The following WIPF1 variants were observed in gnomAD, a reference collection of about 807,000 sequenced individuals.
The protein encoded by WIPF1 is WAS/WASL interacting protein family member 1, also known as WAS/WASL-interacting protein family member 1.
In WIPF1, 13 loss-of-function variants were observed where a neutral mutation model predicts 35.4. The observed-to-expected ratio is 0.37, with a 90% CI of 0.24 to 0.58. The LOEUF (loss-of-function observed/expected upper bound fraction) is 0.58. Ranked by LOEUF, WIPF1 falls within the 20% of genes least tolerant of loss-of-function variation. WIPF1 has a pLI of 0.74. For missense variants in WIPF1, 591 were observed against 667.0 expected (o/e 0.89, Z 1.25); for synonymous variants, 267 against 266.3 (o/e 1.00, Z -0.02).
chr2:174,671,677 G>A (rs1688021955), intron 1 of WIPF1, among the ~76,000 whole-genome samples: 1 of 152,170 alleles, frequency 6.6e-6, no homozygotes, highest in South Asian at 2.1e-4. Flanking sequence ...CTCTGGGAAT[G>A]TCTGTCTTTT....
At chr2:174,568,874 T>A (rs971364728) in intron 5 of WIPF1, 4 of 152,160 alleles carry the variant, frequency 2.6e-5, no homozygotes, top group African/African-American at 9.7e-5. Flanking sequence ...AAACCATTTT[T>A]TAAAAAAATG....
intron 1 of WIPF1, among the ~76,000 whole-genome samples, chr2:174,659,626 C>T (rs530826958): frequency 4.6e-5 from 7 of 152,088 alleles, no homozygotes; most frequent in African/African-American, 7.2e-5. Flanking sequence ...TCCGGATTAT[C>T]AACATTATTT....
intron 1 of WIPF1, among the ~76,000 whole-genome samples, chr2:174,649,698 G>A (rs1042174080): frequency 1.3e-5 from 2 of 152,092 alleles, no homozygotes; most frequent in Non-Finnish European, 2.9e-5. Context: ...TGTAGGACTC[G>A]TAAGTACAAT....
intron 1 of WIPF1, among the ~76,000 whole-genome samples, chr2:174,659,999 T>C (rs1687723805): frequency 6.6e-6 from 1 of 152,190 alleles, no homozygotes; most frequent in African/African-American, 2.4e-5. Flanking sequence ...TGGATGTGGA[T>C]GGTAATTTAT....
intron 1 of WIPF1, among the ~76,000 whole-genome samples, chr2:174,626,898 T>C (rs2105924649): frequency 6.6e-6 from 1 of 152,242 alleles, no homozygotes; most frequent in African/African-American, 2.4e-5. Flanking sequence ...CAGATCATTG[T>C]CTCTTTTTGG....
At chr2:174,664,934 G>A (rs899091188) in intron 1 of WIPF1, among the ~76,000 whole-genome samples, 1 of 151,970 alleles carries the variant, frequency 6.6e-6, no homozygotes, top group Admixed American at 6.6e-5. Flanking sequence ...CGCCAGGCCT[G>A]GATCTTTCTT....
chr2:174,603,127 ATCCTTTGACCACATGG>A (rs1184357776), intron 1 of WIPF1, among the ~76,000 whole-genome samples: 1 of 152,208 alleles, frequency 6.6e-6, no homozygotes, highest in African/African-American at 2.4e-5. Flanking sequence ...TGCTGCACTC[ATCCTTTGACCACATGG>A]GGTCTAAAAC....
At chr2:174,634,611 A>C (rs752856360) in intron 1 of WIPF1, 3 of 152,222 alleles carry the variant, frequency 2.0e-5, no homozygotes, top group Non-Finnish European at 4.4e-5. Context: ...GTGACATTAT[A>C]CTTCCTCACT....
intron 1 of WIPF1, among the ~76,000 whole-genome samples, chr2:174,621,652 ATTAATT>A (rs1686678745): frequency 6.6e-6 from 1 of 152,240 alleles, no homozygotes; most frequent in African/African-American, 2.4e-5. Context: ...AACAGGTGAC[ATTAATT>A]TTAAGAATAT....
chr2:174,592,808 G>T (rs1300051922), intron 1 of WIPF1, among the ~76,000 whole-genome samples: 1 of 151,964 alleles, frequency 6.6e-6, no homozygotes, highest in African/African-American at 2.4e-5. Context: ...GTTTCACCAT[G>T]TTGGCCAGGC....
chr2:174,681,466 G>A lies in WIPF1; in HGVS notation c.-39+1308C>T, dbSNP rs141757873. Among the ~76,000 whole-genome samples the A allele has an allele frequency of 4.9e-3, 743 of 152,322 alleles. 4 individuals carry two copies. The highest frequency in any genetic ancestry group is 0.017 in the Middle Eastern group (5 of 294). ...GAACCTAAAAGGTGATTTACAAACTGAAGTAGAACATTTCTTGGAGTTATT... is the reference window on the plus strand; with the variant it reads ...GAACCTAAAAGGTGATTTACAAACTAAAGTAGAACATTTCTTGGAGTTATT... On this transcript the variant is annotated intron_variant, in intron 1 of 8. Coordinates refer to the WIPF1 transcript ENST00000272746.
intron 1 of WIPF1, among the ~76,000 whole-genome samples, chr2:174,676,854 T>C (rs377693063): frequency 7.2e-5 from 11 of 152,274 alleles, no homozygotes; most frequent in African/African-American, 2.6e-4. Context: ...GCTAATTATG[T>C]ATAAGAATTT....
Position 174,568,078 on chromosome 2 carries a change from A to G in WIPF1, c.1130-5T>C. ...GAGGAGGTGGTGGGAGGGGGCCTGG[A>G]GCAAAAAAAGACACTTAGTGCAGAA... On this transcript the variant is annotated splice_region_variant and splice_polypyrimidine_tract_variant and intron_variant, in intron 5 of 7. Coordinates refer to ENST00000679041, the MANE Select transcript of WIPF1 (RefSeq NM_001375834.1). The G allele has an allele frequency of 6.2e-7, 1 of 1,609,706 alleles. No individual in the cohort carries two copies. The highest frequency in any genetic ancestry group is 1.1e-5 in the South Asian group (1 of 90,702).
intron 3 of WIPF1, among the ~76,000 whole-genome samples, chr2:174,580,524 T>C (rs1276902780): frequency 6.6e-6 from 1 of 152,240 alleles, no homozygotes; most frequent in Non-Finnish European, 1.5e-5. Flanking sequence ...AAGGTCAGTC[T>C]ATTTCCTGTT....
intron 3 of WIPF1, among the ~76,000 whole-genome samples, chr2:174,575,943 C>G (rs148851812): frequency 1.3e-5 from 2 of 151,884 alleles, no homozygotes; most frequent in African/African-American, 4.8e-5. Context: ...TAAAATATCT[C>G]ATAATTTCAC....
upstream of WIPF1, among the ~76,000 whole-genome samples, chr2:174,599,220 C>A (rs1172188038): frequency 6.6e-6 from 1 of 151,938 alleles, no homozygotes. Context: ...GGGGCAGGGG[C>A]CTGTAGCATT....
rs115046423 is a variant in WIPF1, at chr2:174,565,873, A to G, written c.1456+1197T>C. ...TTCATGCTAATTCTTTCTTCGTTGT[A>G]TACATTTTTTTTTATTTTTATTTTT... On this transcript the variant is annotated intron_variant, in intron 7 of 7. Coordinates refer to ENST00000679041, the MANE Select transcript of WIPF1 (RefSeq NM_001375834.1). 5.1e-3 allele frequency among the ~76,000 whole-genome samples: 764 copies of G among 150,456 alleles called. 3 individuals carry two copies. The highest frequency in any genetic ancestry group is 0.018 in the African/African-American group (732 of 41,236).
At chr2:174,613,738 G>GT (rs1259932854) in intron 1 of WIPF1, among the ~76,000 whole-genome samples, 2 of 152,162 alleles carry the variant, frequency 1.3e-5, no homozygotes, top group African/African-American at 4.8e-5. Flanking sequence ...AGATTGATAA[G>GT]TAAGAAGGCA....
chr2:174,575,577 G>A, intron 3 of WIPF1, 197 bp from the exon 4 acceptor site: 1 of 948,530 alleles, frequency 1.1e-6, no homozygotes, highest in African/African-American at 1.7e-5. Context: ...AAGCCCAGTG[G>A]TGGAAGAAAC....
Sources: allele counts gnomAD v4.1 joint callset (sites outside exome capture counted in the v4.1 genomes callset), GRCh38; gene constraint gnomAD v4.1.1; transcripts MANE v1.5; gene names NCBI Gene and HGNC (gene_info 2026-07-23, HGNC 2026-07-21).